ECPAS: variants seen among roughly 807,000 people sequenced by gnomAD.
The protein encoded by ECPAS is Ecm29 proteasome adaptor and scaffold.
Under a neutral mutation model 255.1 loss-of-function variants are expected in ECPAS, and 70 were observed. That is an observed-to-expected ratio of 0.27 (90% CI 0.23 to 0.33). ECPAS has a LOEUF of 0.33. ECPAS is among the 10% of genes least tolerant of loss of function. The pLI, the probability that ECPAS is intolerant of heterozygous loss-of-function variation, is 1.00. For synonymous variants in ECPAS, 784 were observed against 775.0 expected (o/e 1.01, Z -0.19); for missense variants, 1,817 against 2,206.4 (o/e 0.82, Z 3.54).
intron 8 of ECPAS, among the ~76,000 whole-genome samples, chr9:111,430,921 T>A (rs193091374): frequency 6.6e-6 from 1 of 152,276 alleles, no homozygotes; most frequent in African/African-American, 2.4e-5. Flanking sequence ...CCTACATAGA[T>A]GGGTTCTCAG....
intron 2 of ECPAS, among the ~76,000 whole-genome samples, chr9:111,458,491 ACT>A (rs1675916715): frequency 6.6e-6 from 1 of 152,140 alleles, no homozygotes; most frequent in South Asian, 2.1e-4. Context: ...GATAACTTAC[ACT>A]GAGGAAGTAA....
rs1478973864 is a variant in ECPAS, at chr9:111,484,277, A to T, written c.-244T>A. The T allele has an allele frequency of 4.6e-6, 7 of 1,526,310 alleles. No homozygotes were observed. The Admixed American group carries it at 1.3e-4, about 29-fold the overall frequency. 94.5% of individuals were successfully genotyped at this position (1,526,310 alleles called of 1,614,324 possible). On this transcript the variant is annotated 5_prime_UTR_variant, in exon 1 of 50. Coordinates refer to ENST00000684092, the MANE Select transcript of ECPAS (RefSeq NM_001364929.1). ...CCGGGCTGCCCTAGCGGCCGGGGGA[A>T]ATCCTCGAGGCGGGGCCGGAGCGCC... is the stretch of plus-strand genomic sequence containing the variant.
chr9:111,374,981 A>G, intron 38 of ECPAS, 132 bp downstream of exon 38: 1 of 669,400 alleles, frequency 1.5e-6, no homozygotes, highest in Non-Finnish European at 2.7e-6. Context: ...CAGTGCAACC[A>G]CAGAAATAAA....
At chr9:111,473,071 T>C (rs530460863) in intron 1 of ECPAS, 71 bp from the exon 2 acceptor site, 17 of 366,062 alleles carry the variant, frequency 4.6e-5, no homozygotes, top group Non-Finnish European at 6.0e-5. Flanking sequence ...AAGAAAAAAA[T>C]AAGCACTTTT....
At chr9:111,393,844 AC>A in intron 26 of ECPAS, 110 bp from the exon 27 acceptor site, 1 of 822,132 alleles carries the variant, frequency 1.2e-6, no homozygotes, top group Non-Finnish European at 2.0e-6. Flanking sequence ...CAAGCCAGTT[AC>A]AATCGCTGTT....
chr9:111,472,829 T>C, intron 2 of ECPAS, 68 bp downstream of exon 2: 1 of 385,944 alleles, frequency 2.6e-6, no homozygotes, highest in Non-Finnish European at 4.4e-6. Context: ...TGCTACCTGA[T>C]AACCTATGCA....
intron 2 of ECPAS, among the ~76,000 whole-genome samples, chr9:111,454,610 A>G (rs2098264582): frequency 6.6e-6 from 1 of 152,220 alleles, no homozygotes; most frequent in African/African-American, 2.4e-5. Context: ...TCATCTTTAC[A>G]GACCCATCTA....
rs1564554728 is a variant in ECPAS at position 111,451,570 on chromosome 9, GA to G, written c.23-16del. ...TTCAAGCTGATCTATAATATAAAAAGAAAAAAAGAGAGAACTTAGCAAGCCA... is the reference window on the plus strand; with the variant it reads ...TTCAAGCTGATCTATAATATAAAAAGAAAAAAGAGAGAACTTAGCAAGCCA... On this transcript the variant is annotated splice_polypyrimidine_tract_variant and intron_variant, in intron 2 of 49. Transcript: ENST00000684092. The G allele has an allele frequency of 4.6e-6, 7 of 1,521,940 alleles. No homozygotes were observed. Among genetic ancestry groups the G allele is most frequent in the Middle Eastern group, 3.5e-4 (2 of 5,742 alleles). 94.3% of individuals were successfully genotyped at this position (1,521,940 alleles called of 1,614,324 possible).
chr9:111,427,282 C>T (rs1461037621), intron 10 of ECPAS, among the ~76,000 whole-genome samples: 1 of 152,050 alleles, frequency 6.6e-6, no homozygotes, highest in Non-Finnish European at 1.5e-5. Flanking sequence ...GAATTAATAG[C>T]AGCATTATAG....
chr9:111,477,754 T>C (rs746844395), intron 1 of ECPAS, among the ~76,000 whole-genome samples: 1 of 152,096 alleles, frequency 6.6e-6, no homozygotes, highest in African/African-American at 2.4e-5. Flanking sequence ...GCAAAACAAT[T>C]AGAACACACG....
At position 111,410,216 on chromosome 9, in the gene ECPAS, G is replaced by A. The variant is rs774541269; in HGVS notation, c.2378-3C>T. ...TGATGTACTGTCCAAAAATGAGCCT[G>A]TAAGCACATTTAGCCAAAAAGAGAA... On this transcript the variant is annotated splice_region_variant and splice_polypyrimidine_tract_variant and intron_variant, in intron 22 of 49. Coordinates refer to ENST00000684092, the MANE Select transcript of ECPAS (RefSeq NM_001364929.1). The A allele has an allele frequency of 8.7e-6, 14 of 1,605,414 alleles. No homozygotes were observed. The highest frequency in any genetic ancestry group is 1.3e-5 in the African/African-American group (1 of 74,710).
chr9:111,378,437 CA>C (rs551609221), intron 36 of ECPAS, 142 bp downstream of exon 36: 6 of 797,196 alleles, frequency 7.5e-6, no homozygotes, highest in African/African-American at 3.4e-5. Flanking sequence ...AACCTCTCTC[CA>C]AAAAAACAGT....
intron 8 of ECPAS, 90 bp downstream of exon 8, chr9:111,433,143 T>C (rs1176612930): frequency 1.4e-6 from 2 of 1,379,636 alleles, no homozygotes; most frequent in Non-Finnish European, 2.0e-6. Context: ...GAATGCCTCA[T>C]TACAAAAAAT....
At position 111,361,508 on chromosome 9, in the gene ECPAS, C is replaced by A. The variant is rs890417589; in HGVS notation, c.*522G>T. The A allele has an allele frequency of 1.3e-5, 2 of 152,352 alleles. No individual in the cohort carries two copies. Among genetic ancestry groups the A allele is most frequent in the African/African-American group, 2.4e-5 (1 of 41,450 alleles). 9.4% of individuals were successfully genotyped at this position (152,352 alleles called of 1,614,324 possible). A position where few individuals can be genotyped will look rare whatever the true frequency, so the allele number is the denominator to read the frequency against. On this transcript the variant is annotated 3_prime_UTR_variant, in exon 50 of 50. Coordinates refer to ENST00000684092, the MANE Select transcript of ECPAS (RefSeq NM_001364929.1). The stretch of plus-strand genomic sequence containing the variant: ...TTTCTTGGGTAAGCCGGGGTTAGCA[C>A]TGATTTGGCAGATGGCCATAAAAGA...
chr9:111,394,210 T>C lies in ECPAS; in HGVS notation c.2872A>G (p.Ile958Val), dbSNP rs1488528807. The C allele has an allele frequency of 6.2e-7, 1 of 1,610,376 alleles. No individual in the cohort carries two copies. ...PNPHVRQAAC[I>V]WLLSLVRKLS... is the part of the protein sequence containing the mutation. ...TTCCTGACAAGGGAAAGGAGCCAGA[T>C]GCAGGCTGCTTGCCTCACGTGTGGG... Residue 958 changes from isoleucine (I) to valine (V), a missense_variant, in exon 26 of 50, where the codon ATC (isoleucine) becomes GTC (valine). Ile to Val is a conservative substitution (Grantham distance 29, BLOSUM62 3). Coordinates refer to ENST00000684092, the MANE Select transcript of ECPAS (RefSeq NM_001364929.1).
intron 18 of ECPAS, among the ~76,000 whole-genome samples, chr9:111,415,166 T>C (rs959296170): frequency 6.6e-6 from 1 of 152,010 alleles, no homozygotes. Flanking sequence ...AACCTTCACA[T>C]GTACCCTCGA....
intron 2 of ECPAS, among the ~76,000 whole-genome samples, chr9:111,467,884 C>T (rs2098281477): frequency 6.6e-6 from 1 of 152,112 alleles, no homozygotes; most frequent in Non-Finnish European, 1.5e-5. Context: ...AACTGACCTG[C>T]CAGAGGTCAC....
chr9:111,415,569 T>C (rs2098202085), intron 18 of ECPAS, among the ~76,000 whole-genome samples: 1 of 151,792 alleles, frequency 6.6e-6, no homozygotes, highest in Admixed American at 6.6e-5. Context: ...GGGGTGGTGG[T>C]GCACGCCTGT....
rs1390945052 is a variant in ECPAS, at chr9:111,451,558, A to G, written c.23-3T>C. On this transcript the variant is annotated splice_region_variant and splice_polypyrimidine_tract_variant and intron_variant, in intron 2 of 49. Transcript: ENST00000684092. ...TAAAAAGACCCGTTCAAGCTGATCTATAATATAAAAAGAAAAAAAGAGAGA... is the reference window on the plus strand; with the variant it reads ...TAAAAAGACCCGTTCAAGCTGATCTGTAATATAAAAAGAAAAAAAGAGAGA... The G allele has an allele frequency of 5.8e-6, 9 of 1,538,466 alleles. No homozygotes were observed. Among genetic ancestry groups the G allele is most frequent in the South Asian group, 3.8e-5 (3 of 79,172 alleles).
Sources: allele counts gnomAD v4.1 joint callset (sites outside exome capture counted in the v4.1 genomes callset), GRCh38; gene constraint gnomAD v4.1.1; transcripts MANE v1.5; gene names NCBI Gene and HGNC (gene_info 2026-07-23, HGNC 2026-07-21).